The following PPP2R1B variants were observed in gnomAD, a reference collection of about 807,000 sequenced individuals.
PPP2R1B encodes the protein protein phosphatase 2 scaffold subunit Abeta.
A neutral mutation model predicts 72.7 loss-of-function variants in PPP2R1B; 58 were observed. That is an observed-to-expected ratio of 0.80 (90% CI 0.65 to 0.99). The LOEUF (loss-of-function observed/expected upper bound fraction) is 0.99, where lower values mean the gene tolerates loss of function less well. PPP2R1B is among the 50% of genes least tolerant of loss of function. The probability of loss-of-function intolerance (pLI) is 0.00; values close to 1 mark genes in which losing one functional copy is unlikely to be tolerated. For missense variants in PPP2R1B, 695 were observed against 733.6 expected, an observed-to-expected ratio of 0.95 and a Z score of 0.61; for synonymous variants, 256 against 264.6, an observed-to-expected ratio of 0.97 and a Z score of 0.32.
rs868966421 is a variant in PPP2R1B at position 111,765,533 on chromosome 11, A to C, written c.115-149T>G. ...AGATTTTACTGTTAAGGAAGCTCAT[A>C]AGGACTTCCAAAAAGAAGTGTAACT... On this transcript the variant is annotated intron_variant, in intron 1 of 14. Coordinates refer to ENST00000527614, the MANE Select transcript of PPP2R1B (RefSeq NM_002716.5). 22 of 689,582 alleles carry C rather than the reference A, an allele frequency of 3.2e-5. No homozygotes were observed. The South Asian group carries it at 4.0e-4, about 13-fold the overall frequency. 42.7% of individuals were successfully genotyped at this position (689,582 alleles called of 1,614,324 possible). A position where few individuals can be genotyped will look rare whatever the true frequency, so the allele number is the denominator to read the frequency against.
chr11:111,760,043 C>T, intron 4 of PPP2R1B, 92 bp from the exon 5 acceptor site: 2 of 1,328,696 alleles, frequency 1.5e-6, no homozygotes, highest in Non-Finnish European at 2.1e-6. Flanking sequence ...GAGGTTTTAT[C>T]TTACAATAAT....
At chr11:111,764,031 A>G (rs1945428555) in intron 3 of PPP2R1B, among the ~76,000 whole-genome samples, 1 of 152,168 alleles carries the variant, frequency 6.6e-6, no homozygotes, top group African/African-American at 2.4e-5. Context: ...ATTCCTGGTC[A>G]TCCTTTAAAA....
At chr11:111,689,894 CTG>C in the PPP2R1B span, among the ~76,000 whole-genome samples, 3 of 151,004 alleles carry the variant, frequency 2.0e-5, no homozygotes, top group Non-Finnish European at 4.4e-5. Flanking sequence ...ATTCTATAGT[CTG>C]TGATTTTTTT....
At chr11:111,697,869 G>T in the PPP2R1B span, among the ~76,000 whole-genome samples, 3 of 152,088 alleles carry the variant, frequency 2.0e-5, no homozygotes, top group Admixed American at 1.3e-4. Context: ...AATTAGCCAG[G>T]CATGGTGGCG....
At chr11:111,749,022 T>C (rs1944804582) in intron 10 of PPP2R1B, among the ~76,000 whole-genome samples, 1 of 152,030 alleles carries the variant, frequency 6.6e-6, no homozygotes. Context: ...ATTTTGTATT[T>C]TTAGTAGAGA....
downstream of PPP2R1B, among the ~76,000 whole-genome samples, chr11:111,734,246 C>G (rs550023763): frequency 4.6e-5 from 7 of 152,332 alleles, no homozygotes; most frequent in African/African-American, 1.7e-4. Flanking sequence ...TGCCTGTGAG[C>G]TCTGTCTTCA....
intron 14 of PPP2R1B, 140 bp from the exon 15 acceptor site, chr11:111,741,752 G>A (rs1944528101): frequency 2.0e-6 from 2 of 1,011,426 alleles, no homozygotes; most frequent in African/African-American, 1.6e-5. Context: ...ACTCAGCCAG[G>A]CTAATCAGAA....
the PPP2R1B span, among the ~76,000 whole-genome samples, chr11:111,697,694 T>A: frequency 6.6e-6 from 1 of 152,098 alleles, no homozygotes; most frequent in Non-Finnish European, 1.5e-5. Flanking sequence ...TTCAGATGAT[T>A]ACAAATACAG....
chr11:111,698,883 G>C, the PPP2R1B span, among the ~76,000 whole-genome samples: 1 of 152,190 alleles, frequency 6.6e-6, no homozygotes, highest in African/African-American at 2.4e-5. Context: ...GCTTTATCCT[G>C]TGAGTGAAAT....
At chr11:111,750,630 A>G (rs1448288644) in intron 10 of PPP2R1B, among the ~76,000 whole-genome samples, 1 of 152,234 alleles carries the variant, frequency 6.6e-6, no homozygotes, top group Non-Finnish European at 1.5e-5. Flanking sequence ...TGCTACCAAC[A>G]GAGATGAAGG....
At position 111,763,868 on chromosome 11, in the gene PPP2R1B, C is replaced by CTCTA. The variant is rs557906501; in HGVS notation, c.306+936_306+937insTAGA. ...AAAAACTCTCTCTCTCTCTCTCTCT[C>CTCTA]TATATATATATATTCATACTTATCT... On this transcript the variant is annotated intron_variant, in intron 3 of 14. Coordinates refer to ENST00000527614, the MANE Select transcript of PPP2R1B (RefSeq NM_002716.5). Among the ~76,000 whole-genome samples, 15 of 149,960 alleles carry CTCTA rather than the reference C, an allele frequency of 1.0e-4. No homozygotes were observed. In the East Asian group the frequency reaches 2.1e-3, roughly 21 times the overall value.
intron 7 of PPP2R1B, 67 bp from the exon 8 acceptor site, chr11:111,754,636 T>C (rs1555049022): frequency 6.5e-7 from 1 of 1,547,294 alleles, no homozygotes; most frequent in Non-Finnish European, 8.7e-7. Context: ...ATGAGGACAT[T>C]TAACCAGGTT....
the PPP2R1B span, chr11:111,705,023 A>G: frequency 6.2e-7 from 1 of 1,608,130 alleles, no homozygotes; most frequent in Non-Finnish European, 8.5e-7. This position sits in a 1 kb window ranked among gnomAD's most constrained non-coding sequence, Gnocchi z 4.3. Context: ...CTTTGCTGCC[A>G]TTTATTTCTT....
the PPP2R1B span, among the ~76,000 whole-genome samples, chr11:111,692,977 T>G: frequency 6.6e-6 from 1 of 152,166 alleles, no homozygotes; most frequent in Non-Finnish European, 1.5e-5. Flanking sequence ...ATGGTTCATT[T>G]TAATAAATAA....
At chr11:111,725,512 C>T (rs1943937694), downstream of PPP2R1B, 4 of 152,526 alleles carry the variant, frequency 2.6e-5, no homozygotes. Context: ...AATAATTTGC[C>T]ATTTGGACAG....
Position 111,766,341 on chromosome 11 carries a change from G to A in PPP2R1B, c.21C>T (p.Leu7=), listed in dbSNP as rs543359988. 3.9e-5 allele frequency: 61 copies of A among 1,567,784 alleles called. No individual in the cohort carries two copies. The highest frequency in any genetic ancestry group is 6.6e-5 in the South Asian group (6 of 90,314). ...CACCCGCTGCTCCTGGGCCGGTCCCGAGCTCTGATGCGCCCGCCATGTTCT... is the reference window on the plus strand; with the variant it reads ...CACCCGCTGCTCCTGGGCCGGTCCCAAGCTCTGATGCGCCCGCCATGTTCT... MAGASE[L]GTGPGAAGGD... The change falls in exon 1 of 15, where the codon CTC becomes CTT. Residue 7 remains leucine (L), a synonymous_variant. Transcript: ENST00000527614.
rs1945457189 is a variant in PPP2R1B at position 111,764,778 on chromosome 11, G to T, written c.306+27C>A. On this transcript the variant is annotated intron_variant, in intron 3 of 14. Coordinates refer to ENST00000527614, the MANE Select transcript of PPP2R1B (RefSeq NM_002716.5). The stretch of plus-strand genomic sequence containing the variant: ...ATTTATACTGCAAAAGTTGTAGAAG[G>T]AGGGTAGGCAGCTTATAAATACTCA... 3.1e-6 allele frequency: 5 copies of T among 1,608,372 alleles called. No homozygotes were observed. In the Admixed American group the frequency reaches 8.4e-5, roughly 27 times the overall value.
the PPP2R1B span, chr11:111,720,887 GCTTT>G: frequency 1.9e-6 from 3 of 1,612,774 alleles, no homozygotes; most frequent in South Asian, 2.2e-5. Context: ...TGGTCTTGGT[GCTTT>G]CTTTCAGGAA....
At chr11:111,689,013 AAAG>A in the PPP2R1B span, among the ~76,000 whole-genome samples, 1 of 152,224 alleles carries the variant, frequency 6.6e-6, no homozygotes, top group Non-Finnish European at 1.5e-5. Context: ...GAAGCTTCAC[AAAG>A]AAGGAATTAT....
Sources: gnomAD v4.1 joint callset for allele counts (sites outside exome capture counted in the v4.1 genomes callset) on GRCh38, gnomAD v4.1.1 for gene constraint, Gnocchi (gnomAD v3.1) non-coding constraint, MANE v1.5 for transcripts, NCBI Gene and HGNC (gene_info 2026-07-23, HGNC 2026-07-21) for gene names.